The following ABCD2 variants were observed in gnomAD, a reference collection of about 807,000 sequenced individuals.
The protein encoded by ABCD2 is ATP-binding cassette sub-family D member 2.
In ABCD2, 36 loss-of-function variants were observed where a neutral mutation model predicts 70.9. The observed-to-expected ratio is 0.51, with a 90% confidence interval of 0.39 to 0.67. The LOEUF (loss-of-function observed/expected upper bound fraction) is 0.67, where lower values mean the gene tolerates loss of function less well. Ranked by LOEUF, ABCD2 falls within the 30% of genes least tolerant of loss-of-function variation. ABCD2 has a pLI of 0.00. For missense variants in ABCD2, 729 were observed against 890.2 expected, an observed-to-expected ratio of 0.82 and a Z score of 2.30; for synonymous variants, 304 against 306.9, an observed-to-expected ratio of 0.99 and a Z score of 0.10.
the ABCD2 span, among the ~76,000 whole-genome samples, chr12:39,540,114 A>G: frequency 6.6e-6 from 1 of 152,232 alleles, no homozygotes; most frequent in Non-Finnish European, 1.5e-5. Context: ...CCATCCAGCA[A>G]GGGCTGTTGT....
At chr12:39,567,957 A>G (rs374114164) in intron 9 of ABCD2, among the ~76,000 whole-genome samples, 1 of 151,566 alleles carries the variant, frequency 6.6e-6, no homozygotes, top group Non-Finnish European at 1.5e-5. Context: ...ATTGGCCCCC[A>G]CTCTCTTCTG....
chr12:39,531,890 T>G, the ABCD2 span, among the ~76,000 whole-genome samples: 1 of 152,276 alleles, frequency 6.6e-6, no homozygotes, highest in Admixed American at 6.5e-5. Flanking sequence ...GAAAAATCGC[T>G]GAACGTTACG....
chr12:39,534,591 C>T, the ABCD2 span, among the ~76,000 whole-genome samples: 1 of 151,266 alleles, frequency 6.6e-6, no homozygotes, highest in African/African-American at 2.4e-5. Context: ...GCAGAAGCAT[C>T]CCTTGAGCCC....
the ABCD2 span, among the ~76,000 whole-genome samples, chr12:39,532,886 G>A: frequency 6.6e-6 from 1 of 152,160 alleles, no homozygotes; most frequent in Non-Finnish European, 1.5e-5. Flanking sequence ...AGTGCCAGAT[G>A]CAGTGGCTCA....
At chr12:39,577,663 T>C (rs1941537614) in intron 8 of ABCD2, among the ~76,000 whole-genome samples, 1 of 152,152 alleles carries the variant, frequency 6.6e-6, no homozygotes, top group Admixed American at 6.5e-5. Context: ...ATATGAACCA[T>C]ATATTAAATA....
At position 39,553,497 on chromosome 12, in the gene ABCD2, G is replaced by A. The variant is rs1941117214; in HGVS notation, c.*415C>T. 1 of 156,814 alleles carries A rather than the reference G, an allele frequency of 6.4e-6. No homozygotes were observed. The highest frequency in any genetic ancestry group is 1.4e-5 in the Non-Finnish European group (1 of 71,312). The allele number at this position is 156,814 out of a possible 1,614,324, so 9.7% of individuals were successfully genotyped here. A position where few individuals can be genotyped will look rare whatever the true frequency, so the allele number is the denominator to read the frequency against. On this transcript the variant is annotated 3_prime_UTR_variant, in exon 10 of 10. Transcript: ENST00000308666. The stretch of plus-strand genomic sequence containing the variant: ...ATTAAACCTAATATCAACCATAAAT[G>A]GACTAAATGTCACTCAAAGTTTGAA...
chr12:39,565,446 A>T (rs1052571490), intron 9 of ABCD2, among the ~76,000 whole-genome samples: 1 of 152,146 alleles, frequency 6.6e-6, no homozygotes, highest in Non-Finnish European at 1.5e-5. Context: ...TTATTGGTGT[A>T]TAAGAATGCT....
At chr12:39,592,399 T>C (rs950726807) in intron 6 of ABCD2, among the ~76,000 whole-genome samples, 8 of 152,212 alleles carry the variant, frequency 5.3e-5, no homozygotes, top group Admixed American at 4.6e-4. Flanking sequence ...AAACCAAATC[T>C]GTGGAGATGT....
chr12:39,531,801 G>A, the ABCD2 span, among the ~76,000 whole-genome samples: 1 of 152,232 alleles, frequency 6.6e-6, no homozygotes, highest in Non-Finnish European at 1.5e-5. Flanking sequence ...TATTTTAAAT[G>A]CAAGTAGTAA....
Position 39,552,873 on chromosome 12 carries a change from C to T in ABCD2, c.*1039G>A, listed in dbSNP as rs921668931. 1.3e-5 allele frequency: 2 copies of T among 151,968 alleles called. No homozygotes were observed. The highest frequency in any genetic ancestry group is 2.9e-5 in the Non-Finnish European group (2 of 67,878). The allele number at this position is 151,968 out of a possible 1,614,324, so 9.4% of individuals were successfully genotyped here. A position where few individuals can be genotyped will look rare whatever the true frequency, so the allele number is the denominator to read the frequency against. ...GAGTCAGGAGAACTTCATTTGATTT[C>T]TCGATCTTTCCTTAAGTAAAGTGCA... On this transcript the variant is annotated 3_prime_UTR_variant, in exon 10 of 10. Transcript: ENST00000308666.
Position 39,581,217 on chromosome 12 carries a change from A to T in ABCD2, c.1793-1598T>A. Among the ~76,000 whole-genome samples, 3 of 152,316 alleles carry T rather than the reference A, an allele frequency of 2.0e-5. No individual in the cohort carries two copies. The South Asian group carries it at 6.2e-4, about 32-fold the overall frequency. On this transcript the variant is annotated intron_variant, in intron 7 of 9. Transcript: ENST00000308666. Reference sequence around the variant, plus strand: ...GGAAGAATTTTTTAGAGCACATTTAAAAATGCCCTTTCATTTATGAATTAT... The same window carrying T: ...GGAAGAATTTTTTAGAGCACATTTATAAATGCCCTTTCATTTATGAATTAT...
intron 7 of ABCD2, among the ~76,000 whole-genome samples, chr12:39,580,652 GT>G (rs1278382886): frequency 2.0e-5 from 3 of 151,944 alleles, no homozygotes; most frequent in Admixed American, 2.0e-4. Flanking sequence ...TAAAACCATA[GT>G]TCCACTGCTG....
At chr12:39,544,678 G>A in the ABCD2 span, among the ~76,000 whole-genome samples, 2 of 152,142 alleles carry the variant, frequency 1.3e-5, no homozygotes. Flanking sequence ...ATCTTAAGGT[G>A]TAGATTATGA....
intron 9 of ABCD2, among the ~76,000 whole-genome samples, chr12:39,570,433 G>T (rs1941431206): frequency 6.6e-6 from 1 of 152,100 alleles, no homozygotes. Flanking sequence ...ATAAATCCTT[G>T]TATTTATAGT....
Position 39,553,811 on chromosome 12 carries a change from C to T in ABCD2, c.*101G>A, listed in dbSNP as rs112084349. ...AAATCTTATAAAACATGTCTTGCTG[C>T]CTTTTTTTCTCTGTGCTTAGCTTAA... On this transcript the variant is annotated 3_prime_UTR_variant, in exon 10 of 10. Coordinates refer to ENST00000308666, the MANE Select transcript of ABCD2 (RefSeq NM_005164.4). 3.6e-6 allele frequency: 3 copies of T among 843,870 alleles called. No individual in the cohort carries two copies. The highest frequency in any genetic ancestry group is 5.4e-6 in the Non-Finnish European group (3 of 559,610). The allele number at this position is 843,870 out of a possible 1,614,324, so 52.3% of individuals were successfully genotyped here.
chr12:39,561,564 T>A (rs939193425), intron 9 of ABCD2, among the ~76,000 whole-genome samples: 1 of 152,020 alleles, frequency 6.6e-6, no homozygotes, highest in African/African-American at 2.4e-5. Context: ...TATACTAATG[T>A]CAGGTAAAAT....
chr12:39,588,293 C>G (rs559940377), intron 6 of ABCD2, among the ~76,000 whole-genome samples: 1 of 151,904 alleles, frequency 6.6e-6, no homozygotes, highest in Admixed American at 6.6e-5. Context: ...TAATCCAGAC[C>G]CCCCCATATC....
intron 6 of ABCD2, among the ~76,000 whole-genome samples, chr12:39,594,840 G>C (rs1941793894): frequency 6.6e-6 from 1 of 152,152 alleles, no homozygotes; most frequent in Non-Finnish European, 1.5e-5. Context: ...TGGGTTTCGT[G>C]GTGGGCGCCT....
At chr12:39,610,617 A>C (rs895333415) in intron 2 of ABCD2, among the ~76,000 whole-genome samples, 2 of 152,228 alleles carry the variant, frequency 1.3e-5, no homozygotes, top group Non-Finnish European at 2.9e-5. Context: ...AAGGGATTCA[A>C]ATAGTAGTTT....
Sources: allele counts gnomAD v4.1 joint callset (sites outside exome capture counted in the v4.1 genomes callset), GRCh38; gene constraint gnomAD v4.1.1; transcripts MANE v1.5; gene names NCBI Gene and HGNC (gene_info 2026-07-23, HGNC 2026-07-21).